The following ADCY9 variants were observed in gnomAD, a reference collection of about 807,000 sequenced individuals.
ADCY9 encodes adenylate cyclase type 9.
In ADCY9, 50 loss-of-function variants were observed where a neutral mutation model predicts 101.5. That is an observed-to-expected ratio of 0.49 (90% CI 0.39 to 0.62). The LOEUF (loss-of-function observed/expected upper bound fraction) is 0.62. ADCY9 is among the 20% of genes least tolerant of loss of function. The pLI is 0.00. For missense variants in ADCY9, 1,662 were observed against 1,800.4 expected (o/e 0.92, Z 1.39); for synonymous variants, 905 against 769.3 (o/e 1.18, Z -2.92).
In ADCY9 at chr16:4,115,003, G is replaced by T. The variant is rs774411935; in HGVS notation, c.440C>A (p.Ala147Asp). The T allele has an allele frequency of 1.2e-6, 2 of 1,614,108 alleles. No homozygotes were observed. The highest frequency in any genetic ancestry group is 1.7e-6 in the Non-Finnish European group (2 of 1,180,042). Residue 147 changes from alanine to aspartate, a missense_variant, in exon 2 of 11, where the codon GCC becomes GAC. By Grantham distance (126) the Ala-to-Asp change is moderately radical. Coordinates refer to ENST00000294016, the MANE Select transcript of ADCY9 (RefSeq NM_001116.4). This position sits in a 1 kb window ranked among gnomAD's most constrained non-coding sequence, Gnocchi z 6.2. ...CACCAGGAGGAAGCACAGCGCGGGGGCGACCATGACGATCAGTCTGGATCT... is the reference window on the plus strand; with the variant it reads ...CACCAGGAGGAAGCACAGCGCGGGGTCGACCATGACGATCAGTCTGGATCT... ...HMRSRLIVMVAPALCFLLVCV... is the reference protein window; with the variant it reads ...HMRSRLIVMVDPALCFLLVCV...
intron 2 of ADCY9, among the ~76,000 whole-genome samples, chr16:4,105,262 A>T (rs1345386275): frequency 6.6e-6 from 1 of 152,210 alleles, no homozygotes; most frequent in African/African-American, 2.4e-5. Context: ...TTTAGAAAAG[A>T]TTTTTAAGCT....
chr16:3,981,254 GT>G (rs1394850111), intron 7 of ADCY9, among the ~76,000 whole-genome samples: 6 of 152,302 alleles, frequency 3.9e-5, no homozygotes. Flanking sequence ...GCCCTCGGCA[GT>G]CTACACCGGG....
rs749440226 is a variant in ADCY9 at position 3,966,138 on chromosome 16, C to T, written c.3699G>A (p.Gly1233=). The T allele has an allele frequency of 6.2e-7, 1 of 1,614,208 alleles. No individual in the cohort carries two copies. The highest frequency in any genetic ancestry group is 8.5e-7 in the Non-Finnish European group (1 of 1,180,048). ...ACAGGTAGGTCTTCATCTGGCCTTT[C>T]CCCTTGACATTCACGGTCCCTCTGT... is the stretch of plus-strand genomic sequence containing the variant. ...FDYRGTVNVK[G]KGQMKTYLYP... Residue 1233 remains glycine, a synonymous_variant, in exon 11 of 11, where the codon GGG becomes GGA. Coordinates refer to ENST00000294016, the MANE Select transcript of ADCY9 (RefSeq NM_001116.4).
At position 3,966,348 on chromosome 16, in the gene ADCY9, G is replaced by A; in HGVS notation, c.3489C>T (p.Leu1163=). The A allele has an allele frequency of 6.2e-7, 1 of 1,614,118 alleles. No homozygotes were observed. The highest frequency in any genetic ancestry group is 1.1e-5 in the South Asian group (1 of 91,076). ...NNNMLWFNFK[L]RVGFNHGPLT... ...GGGGCCCATGGTTGAAGCCGACGCG[G>A]AGCTTGAAGTTGAACCACAGCATGT... The change falls in exon 11 of 11, where the codon CTC becomes CTT. Residue 1163 remains leucine, a synonymous_variant. Coordinates refer to ENST00000294016, the MANE Select transcript of ADCY9 (RefSeq NM_001116.4).
At chr16:4,000,970 C>CACACACACACAT in intron 3 of ADCY9, among the ~76,000 whole-genome samples, 1 of 136,486 alleles carries the variant, frequency 7.3e-6, no homozygotes, top group Admixed American at 7.4e-5. Flanking sequence ...CCTCTCTCTA[C>CACACACACACAT]ACACACACAC....
intron 10 of ADCY9, among the ~76,000 whole-genome samples, chr16:3,972,212 A>G (rs796684307): frequency 1.3e-5 from 2 of 150,396 alleles, no homozygotes; most frequent in African/African-American, 4.8e-5. Context: ...CCACTTCAAA[A>G]AGAAGAATTT....
Position 3,979,106 on chromosome 16 carries a change from C to T in ADCY9, c.2679+10G>A. On this transcript the variant is annotated intron_variant, in intron 8 of 10. Coordinates refer to ENST00000294016, the MANE Select transcript of ADCY9 (RefSeq NM_001116.4). ...GAGCGTGGAAATAAAACGGCTGAGC[C>T]TTTACTTACGTGTATGTTGGTCTCA... 2 of 1,614,132 alleles carry T rather than the reference C, an allele frequency of 1.2e-6. No homozygotes were observed. The highest frequency in any genetic ancestry group is 1.7e-6 in the Non-Finnish European group (2 of 1,179,994).
chr16:4,061,426 G>A (rs1359951257), intron 2 of ADCY9, among the ~76,000 whole-genome samples: 1 of 152,114 alleles, frequency 6.6e-6, no homozygotes, highest in Non-Finnish European at 1.5e-5. Flanking sequence ...TAGCCAAACT[G>A]CTGGAAGCCA....
At chr16:4,102,068 C>G (rs375873638) in intron 2 of ADCY9, among the ~76,000 whole-genome samples, 1 of 152,112 alleles carries the variant, frequency 6.6e-6, no homozygotes, top group African/African-American at 2.4e-5. Flanking sequence ...ACAAGATGTG[C>G]GCCAGATTGA....
downstream of ADCY9, among the ~76,000 whole-genome samples, chr16:3,959,193 T>G (rs919659817): frequency 1.3e-5 from 2 of 151,894 alleles, no homozygotes; most frequent in African/African-American, 2.4e-5. Context: ...AAACCCCATC[T>G]CCACAAAAAA....
chr16:4,062,684 C>CAA (rs1386612838), intron 2 of ADCY9, among the ~76,000 whole-genome samples: 1 of 151,766 alleles, frequency 6.6e-6, no homozygotes, highest in Non-Finnish European at 1.5e-5. Flanking sequence ...TGTCTCAAAA[C>CAA]AAACAAACAA....
intron 2 of ADCY9, among the ~76,000 whole-genome samples, chr16:4,077,593 G>A (rs1322070288): frequency 6.6e-6 from 1 of 152,044 alleles, no homozygotes; most frequent in African/African-American, 2.4e-5. Context: ...CATATTTTTG[G>A]CCTTTACCTT....
At position 4,045,148 on chromosome 16, in the gene ADCY9, T is replaced by A. The variant is rs1481405681; in HGVS notation, c.1694-37590A>T. Among the ~76,000 whole-genome samples the A allele has an allele frequency of 3.9e-5, 6 of 152,140 alleles. No individual in the cohort carries two copies. In the East Asian group the frequency reaches 1.2e-3, roughly 29 times the overall value. ...TACCATTTTTAGAGCCTCTTTTGTT[T>A]TTTAAACTCCTTTTACTATCATTCC... is the stretch of plus-strand genomic sequence containing the variant. On this transcript the variant is annotated intron_variant, in intron 2 of 10. Coordinates refer to ENST00000294016, the MANE Select transcript of ADCY9 (RefSeq NM_001116.4).
chr16:4,032,559 G>A (rs1045315426), intron 2 of ADCY9, among the ~76,000 whole-genome samples: 4 of 150,736 alleles, frequency 2.7e-5, no homozygotes, highest in Non-Finnish European at 5.9e-5. Context: ...GCCCAGGCTG[G>A]AGTGCAATGG....
chr16:4,088,247 T>C (rs1467678054), intron 2 of ADCY9, among the ~76,000 whole-genome samples: 1 of 152,090 alleles, frequency 6.6e-6, no homozygotes, highest in East Asian at 1.9e-4. Flanking sequence ...TCACAACTCC[T>C]AAACTCACAC....
intron 2 of ADCY9, among the ~76,000 whole-genome samples, chr16:4,077,458 G>C (rs1381434092): frequency 6.6e-6 from 1 of 152,044 alleles, no homozygotes; most frequent in African/African-American, 2.4e-5. Flanking sequence ...TCTTTATTAT[G>C]ATTATTTCCT....
chr16:3,976,257 T>C (rs566776130), intron 9 of ADCY9, among the ~76,000 whole-genome samples: 1 of 152,262 alleles, frequency 6.6e-6, no homozygotes, highest in East Asian at 1.9e-4. Flanking sequence ...CTCCCAAAAG[T>C]GGTAGGATTA....
chr16:4,025,512 G>A (rs1472742616), intron 2 of ADCY9, among the ~76,000 whole-genome samples: 1 of 152,218 alleles, frequency 6.6e-6, no homozygotes, highest in Non-Finnish European at 1.5e-5. Flanking sequence ...GCGTTTGGGC[G>A]GCGAAGAGCA....
At chr16:4,100,417 C>A (rs1333445822) in intron 2 of ADCY9, among the ~76,000 whole-genome samples, 1 of 152,078 alleles carries the variant, frequency 6.6e-6, no homozygotes, top group African/African-American at 2.4e-5. Flanking sequence ...GCAACCTCCA[C>A]CTTCTAGGTT....
Sources: allele counts gnomAD v4.1 joint callset (sites outside exome capture counted in the v4.1 genomes callset), GRCh38; gene constraint gnomAD v4.1.1; non-coding constraint Gnocchi (gnomAD v3.1); transcripts MANE v1.5; gene names NCBI Gene and HGNC (gene_info 2026-07-23, HGNC 2026-07-21).